THRB: variants seen among roughly 807,000 people sequenced by gnomAD.
THRB encodes the protein nuclear receptor subfamily 1 group A member 2.
THRB carries 12 observed loss-of-function variants against 47.8 expected under a neutral mutation model. The observed-to-expected ratio is 0.25, with a 90% CI of 0.16 to 0.41. THRB has a LOEUF of 0.41. THRB is among the 10% of genes least tolerant of loss of function. THRB has a pLI of 1.00. For missense variants in THRB, 348 were observed against 589.2 expected (o/e 0.59, Z 4.24); for synonymous variants, 218 against 212.2 (o/e 1.03, Z -0.24).
rs958617165 is a variant in THRB, at chr3:24,120,772, A to G, written c.*2112T>C. 2 of 152,248 alleles carry G rather than the reference A, an allele frequency of 1.3e-5. No individual in the cohort carries two copies. Among genetic ancestry groups the G allele is most frequent in the Admixed American group, 1.3e-4 (2 of 15,288 alleles). 9.4% of individuals were successfully genotyped at this position (152,248 alleles called of 1,614,324 possible). The stretch of plus-strand genomic sequence containing the variant: ...AAACCCCAAAACAATCTGTCTGTAG[A>G]TAAAGCAGGTAATCTGCCAATGAAT... On this transcript the variant is annotated 3_prime_UTR_variant, in exon 11 of 11. Transcript: ENST00000646209.
intron 1 of THRB, among the ~76,000 whole-genome samples, chr3:24,405,968 A>G (rs2150127367): frequency 6.6e-6 from 1 of 151,632 alleles, no homozygotes; most frequent in Non-Finnish European, 1.5e-5. Context: ...GTTATTTTCT[A>G]TTTTAGAGTT....
chr3:24,192,408 A>T (rs2043456650), intron 4 of THRB, among the ~76,000 whole-genome samples: 1 of 152,154 alleles, frequency 6.6e-6, no homozygotes, highest in African/African-American at 2.4e-5. Flanking sequence ...CAGATACTCT[A>T]AATCCTCAGC....
chr3:24,452,076 A>G (rs967052272), intron 1 of THRB, among the ~76,000 whole-genome samples: 1 of 152,160 alleles, frequency 6.6e-6, no homozygotes, highest in Admixed American at 6.5e-5. Flanking sequence ...GCTAACAACT[A>G]TGGGAGAAAT....
chr3:24,122,479 T>C lies in THRB; in HGVS notation c.*405A>G. On this transcript the variant is annotated 3_prime_UTR_variant, in exon 11 of 11. Coordinates refer to ENST00000646209, the MANE Select transcript of THRB (RefSeq NM_001354712.2). ...AAAGGTGGTCTGTGCTCTGTTAACT[T>C]CAGCCCTGCGAACATCAGGATTGGG... 3.4e-6 allele frequency: 1 copy of C among 297,616 alleles called. No individual in the cohort carries two copies. 18.4% of individuals were successfully genotyped at this position (297,616 alleles called of 1,614,324 possible). A position where few individuals can be genotyped will look rare whatever the true frequency, so the allele number is the denominator to read the frequency against.
chr3:24,375,326 CAT>C (rs988228872), intron 1 of THRB, among the ~76,000 whole-genome samples: 17 of 143,204 alleles, frequency 1.2e-4, no homozygotes, highest in Non-Finnish European at 1.8e-4. Context: ...TATATTTAGA[CAT>C]ATATTATTAT....
At chr3:24,139,973 CA>C (rs112041823) in intron 8 of THRB, among the ~76,000 whole-genome samples, 1,790 of 152,244 alleles carry the variant, frequency 0.012, 35 homozygotes, top group African/African-American at 0.041. Context: ...GGGGTGTTAG[CA>C]CACAGGAGAG....
At chr3:24,364,195 TA>T (rs904412876) in intron 1 of THRB, among the ~76,000 whole-genome samples, 4 of 152,072 alleles carry the variant, frequency 2.6e-5, no homozygotes, top group African/African-American at 9.7e-5. Flanking sequence ...AACCAGGAGA[TA>T]GGGGGTAGCT....
chr3:24,405,999 T>C (rs2067793769), intron 1 of THRB, among the ~76,000 whole-genome samples: 1 of 151,642 alleles, frequency 6.6e-6, no homozygotes, highest in South Asian at 2.1e-4. Flanking sequence ...TATGTGTTTT[T>C]TGTTTATTTT....
chr3:24,444,940 C>A (rs781297699), intron 1 of THRB, among the ~76,000 whole-genome samples: 1 of 152,030 alleles, frequency 6.6e-6, no homozygotes, highest in Non-Finnish European at 1.5e-5. Flanking sequence ...AATGCTGAGA[C>A]AATAACTGCT....
chr3:24,188,353 G>A (rs1276541197), intron 5 of THRB, among the ~76,000 whole-genome samples: 1 of 152,178 alleles, frequency 6.6e-6, no homozygotes, highest in African/African-American at 2.4e-5. Context: ...AATCTTATAA[G>A]TTTGCTCAAG....
intron 1 of THRB, among the ~76,000 whole-genome samples, chr3:24,377,458 T>C (rs746585518): frequency 7.2e-5 from 11 of 152,060 alleles, no homozygotes; most frequent in African/African-American, 1.4e-4. Flanking sequence ...GCTGATGGCA[T>C]TATGTGTGCT....
At chr3:24,152,243 C>T (rs2037073230) in intron 6 of THRB, 147 bp downstream of exon 6, 4 of 576,536 alleles carry the variant, frequency 6.9e-6, no homozygotes, top group Non-Finnish European at 1.3e-5. Flanking sequence ...AAATGAAGAG[C>T]ACAACCAGAC....
At chr3:24,159,254 A>T (rs2038381829) in intron 5 of THRB, among the ~76,000 whole-genome samples, 1 of 152,222 alleles carries the variant, frequency 6.6e-6, no homozygotes, top group African/African-American at 2.4e-5. Context: ...TTGTCATCAG[A>T]ACACCGTCAC....
At chr3:24,477,793 TC>T (rs1695712301) in intron 1 of THRB, among the ~76,000 whole-genome samples, 1 of 151,680 alleles carries the variant, frequency 6.6e-6, no homozygotes, top group Non-Finnish European at 1.5e-5. Context: ...TTCTCTGTGA[TC>T]TTTATCCAAT....
chr3:24,468,337 A>G (rs944233987), intron 1 of THRB, among the ~76,000 whole-genome samples: 4 of 152,188 alleles, frequency 2.6e-5, no homozygotes, highest in African/African-American at 7.2e-5. Flanking sequence ...TCATTAGAGT[A>G]CCAGTTTTAA....
chr3:24,288,682 T>C (rs1052099235), intron 3 of THRB, among the ~76,000 whole-genome samples: 13 of 152,136 alleles, frequency 8.5e-5, no homozygotes, highest in Non-Finnish European at 1.8e-4. Context: ...AATTCCCGGG[T>C]TGAATCAAGT....
At chr3:24,435,131 A>G (rs539432887) in intron 1 of THRB, among the ~76,000 whole-genome samples, 24 of 152,196 alleles carry the variant, frequency 1.6e-4, no homozygotes, top group Non-Finnish European at 2.6e-4. Context: ...GACAAGGTCT[A>G]TAAGGACCTG....
chr3:24,230,831 G>C (rs1373144606), intron 3 of THRB, among the ~76,000 whole-genome samples: 1 of 152,170 alleles, frequency 6.6e-6, no homozygotes, highest in Non-Finnish European at 1.5e-5. Context: ...CAGGGTGAAA[G>C]AAAGGGAGGG....
chr3:24,433,749 T>A (rs925407745), intron 1 of THRB, among the ~76,000 whole-genome samples: 8 of 152,158 alleles, frequency 5.3e-5, no homozygotes, highest in African/African-American at 1.9e-4. Flanking sequence ...CGACCTTATT[T>A]TCTCAAAATG....
Sources: gnomAD v4.1 joint callset for allele counts (sites outside exome capture counted in the v4.1 genomes callset) on GRCh38, gnomAD v4.1.1 for gene constraint, MANE v1.5 for transcripts, NCBI Gene and HGNC (gene_info 2026-07-23, HGNC 2026-07-21) for gene names.